ERCC8: variants seen among roughly 807,000 people sequenced by gnomAD.
The protein encoded by ERCC8 is DNA excision repair protein ERCC-8.
A neutral mutation model predicts 54.9 loss-of-function variants in ERCC8; 52 were observed. That is an observed-to-expected ratio of 0.95 (90% CI 0.76 to 1.19). The LOEUF is 1.19. ERCC8 is among the 50% of genes most tolerant of loss of function. ERCC8 has a pLI of 0.00. For synonymous variants in ERCC8, 146 were observed against 157.2 expected (o/e 0.93, Z 0.53); for missense variants, 514 against 466.1 (o/e 1.10, Z -0.95).
Position 60,904,634 on chromosome 5 carries a change from GTATATATATATATATATATATATATATA to G in ERCC8, c.481+130_481+157del, listed in dbSNP as rs869039109. 2.2e-4 allele frequency among the ~76,000 whole-genome samples: 11 copies of G among 49,928 alleles called. 1 individual carries two copies. In the South Asian group the frequency reaches 2.3e-3, roughly 11 times the overall value. 32.8% of individuals were successfully genotyped at this position (49,928 alleles called of 152,430 possible). A position where few individuals can be genotyped will look rare whatever the true frequency, so the allele number is the denominator to read the frequency against. On this transcript the variant is annotated intron_variant, in intron 5 of 11. Transcript: ENST00000676185. Reference sequence around the variant, plus strand: ...TTGAATATATATAGTGTGTGTGTGTGTATATATATATATATATATATATATATATATATATATATATATATATATAAAA... The same window carrying G: ...TTGAATATATATAGTGTGTGTGTGTGTATATATATATATATATATATAAAA...
In ERCC8 at chr5:60,871,740, G is replaced by C. The variant is rs1372922781; in HGVS notation, c.*2875C>G. ...CTAGAAGTAAGTAAAACAGTTACTT[G>C]CAGTTTGGAAGCAGACTTCCTTTTT... On this transcript the variant is annotated 3_prime_UTR_variant, in exon 12 of 12. Coordinates refer to ENST00000676185, the MANE Select transcript of ERCC8 (RefSeq NM_000082.4). Among the ~76,000 whole-genome samples, 1 of 152,118 alleles carries C rather than the reference G, an allele frequency of 6.6e-6. No homozygotes were observed. The highest frequency in any genetic ancestry group is 1.5e-5 in the Non-Finnish European group (1 of 68,000).
intron 11 of ERCC8, among the ~76,000 whole-genome samples, chr5:60,875,347 T>C (rs1056019029): frequency 1.3e-5 from 2 of 152,212 alleles, no homozygotes; most frequent in African/African-American, 2.4e-5. Context: ...AGTCAGCACA[T>C]AGGTTTCCCT....
chr5:60,892,529 C>T, intron 9 of ERCC8: 1 of 619,448 alleles, frequency 1.6e-6, no homozygotes, highest in Non-Finnish European at 3.1e-6. Flanking sequence ...TGGCTGCCTG[C>T]TCCTGACTGT....
At chr5:60,910,983 T>TA (rs1379955732) in intron 4 of ERCC8, among the ~76,000 whole-genome samples, 2 of 152,104 alleles carry the variant, frequency 1.3e-5, no homozygotes, top group East Asian at 1.9e-4. Context: ...TTTAGTTTTT[T>TA]AAAAAAATAG....
intron 1 of ERCC8, among the ~76,000 whole-genome samples, chr5:60,932,573 T>C (rs1362264168): frequency 6.6e-6 from 1 of 152,224 alleles, no homozygotes. Flanking sequence ...GAGTGTGTCC[T>C]GTGTGACTCC....
At chr5:60,933,207 C>CTTT (rs796407596) in intron 1 of ERCC8, among the ~76,000 whole-genome samples, 1 of 119,704 alleles carries the variant, frequency 8.4e-6, no homozygotes, top group Non-Finnish European at 1.7e-5. Flanking sequence ...GCATTTTTTC[C>CTTT]TTTTTTTTCT....
chr5:60,895,198 CT>C (rs1033805090), intron 9 of ERCC8, among the ~76,000 whole-genome samples: 8 of 145,696 alleles, frequency 5.5e-5, no homozygotes, highest in East Asian at 2.0e-4. Context: ...AAGGGATTCA[CT>C]TTTTTTTCTA....
chr5:60,902,182 T>C (rs560441911), intron 7 of ERCC8, among the ~76,000 whole-genome samples: 26 of 152,210 alleles, frequency 1.7e-4, no homozygotes, highest in African/African-American at 5.8e-4. Flanking sequence ...CACTGTGTTA[T>C]ACATTTGTGT....
chr5:60,927,457 T>C (rs1455414493), intron 2 of ERCC8, among the ~76,000 whole-genome samples: 1 of 152,246 alleles, frequency 6.6e-6, no homozygotes, highest in Non-Finnish European at 1.5e-5. Context: ...AAAATCACTG[T>C]AGCAAGAGTC....
At chr5:60,903,379 T>A (rs557578028) in intron 6 of ERCC8, 2 of 405,912 alleles carry the variant, frequency 4.9e-6, no homozygotes, top group South Asian at 5.4e-5. Context: ...TTAGTCTTTT[T>A]AATGTAGAAA....
intron 1 of ERCC8, among the ~76,000 whole-genome samples, chr5:60,930,204 C>A (rs967551936): frequency 1.3e-4 from 20 of 151,684 alleles, no homozygotes; most frequent in Non-Finnish European, 2.5e-4. Context: ...CTGAGGTGGG[C>A]GGATCACCTA....
chr5:60,913,798 G>T (rs1252783562), intron 4 of ERCC8, among the ~76,000 whole-genome samples: 1 of 152,040 alleles, frequency 6.6e-6, no homozygotes, highest in Non-Finnish European at 1.5e-5. Flanking sequence ...TTGTGTCATT[G>T]TTCTCATTGG....
At position 60,867,502 on chromosome 5, in the gene ERCC8, T is replaced by G. The variant is rs1747778512; in HGVS notation, c.*7113A>C. ...CATAGTGATCATCACTGAGTTATTC[T>G]AATAACTTTTTCCATAATACTCTGA... On this transcript the variant is annotated 3_prime_UTR_variant, in exon 12 of 12. Transcript: ENST00000676185. Among the ~76,000 whole-genome samples the G allele has an allele frequency of 6.6e-6, 1 of 152,240 alleles. No homozygotes were observed. The highest frequency in any genetic ancestry group is 1.9e-4 in the East Asian group (1 of 5,202).
At chr5:60,883,467 G>C (rs184813752) in intron 11 of ERCC8, among the ~76,000 whole-genome samples, 16 of 152,214 alleles carry the variant, frequency 1.1e-4, no homozygotes, top group Non-Finnish European at 1.8e-4. Context: ...ATCTCACCAG[G>C]TTGTCAATTC....
intron 2 of ERCC8, 63 bp from the exon 3 acceptor site, chr5:60,922,218 G>C: frequency 9.0e-7 from 1 of 1,110,416 alleles, no homozygotes; most frequent in East Asian, 2.6e-5. Context: ...ATTTATTTAT[G>C]ATTGCAAATT....
chr5:60,905,930 A>G (rs935308974), intron 4 of ERCC8, among the ~76,000 whole-genome samples: 2 of 152,128 alleles, frequency 1.3e-5, no homozygotes, highest in Non-Finnish European at 2.9e-5. Flanking sequence ...GGGTGCAATC[A>G]TAAGGGTGTG....
intron 9 of ERCC8, among the ~76,000 whole-genome samples, chr5:60,897,096 A>G (rs1748744672): frequency 6.6e-6 from 1 of 152,174 alleles, no homozygotes; most frequent in South Asian, 2.1e-4. Flanking sequence ...ATCCCAAGGA[A>G]GTTCTCGCCT....
chr5:60,909,745 G>A (rs1749199351), intron 4 of ERCC8: 1 of 152,440 alleles, frequency 6.6e-6, no homozygotes, highest in Non-Finnish European at 1.5e-5. Flanking sequence ...ACGGAGGTCA[G>A]GAGTTCCAGA....
At chr5:60,882,495 AG>A (rs1748266490) in intron 11 of ERCC8, among the ~76,000 whole-genome samples, 1 of 152,130 alleles carries the variant, frequency 6.6e-6, no homozygotes, top group Non-Finnish European at 1.5e-5. Context: ...CCCAGGTTCA[AG>A]TGAGTCTTCT....
Sources: gnomAD v4.1 joint callset for allele counts (sites outside exome capture counted in the v4.1 genomes callset) on GRCh38, gnomAD v4.1.1 for gene constraint, MANE v1.5 for transcripts, NCBI Gene and HGNC (gene_info 2026-07-23, HGNC 2026-07-21) for gene names.